Variants in PRKG1 observed in about 807,000 individuals in gnomAD.
PRKG1 encodes the protein protein kinase cGMP-dependent 1, also known as cGMP-dependent protein kinase 1.
Under a neutral mutation model 88.1 loss-of-function variants are expected in PRKG1, and 35 were observed. The ratio of observed to expected loss-of-function variants is 0.40; its 90% CI spans 0.30 to 0.53. The LOEUF is 0.53. PRKG1 is among the 20% of genes least tolerant of loss of function. The pLI is 0.59. For synonymous variants in PRKG1, 303 were observed against 292.5 expected, an observed-to-expected ratio of 1.04 and a Z score of -0.37; for missense variants, 540 against 839.8, an observed-to-expected ratio of 0.64 and a Z score of 4.41.
intron 3 of PRKG1, among the ~76,000 whole-genome samples, chr10:51,620,744 T>C (rs868727243): frequency 6.6e-6 from 1 of 151,986 alleles, no homozygotes; most frequent in Non-Finnish European, 1.5e-5. Context: ...ATGAGTTAGG[T>C]ACTATCATTA....
At chr10:51,363,999 A>G (rs1477103934) in intron 2 of PRKG1, among the ~76,000 whole-genome samples, 1 of 152,008 alleles carries the variant, frequency 6.6e-6, no homozygotes, top group Non-Finnish European at 1.5e-5. Flanking sequence ...AAAAAGGTGC[A>G]TTTGATTTGA....
chr10:52,091,461 G>T (rs1847054737), intron 7 of PRKG1, among the ~76,000 whole-genome samples: 1 of 152,136 alleles, frequency 6.6e-6, no homozygotes, highest in Admixed American at 6.6e-5. Context: ...AGAATCCAGG[G>T]AAATATATCT....
At chr10:52,102,527 A>G (rs1288870430) in intron 7 of PRKG1, among the ~76,000 whole-genome samples, 1 of 150,816 alleles carries the variant, frequency 6.6e-6, no homozygotes, top group Non-Finnish European at 1.5e-5. Flanking sequence ...GATGTTGTGC[A>G]TGAATTCATA....
chr10:51,061,932 G>C (rs1843696623), intron 1 of PRKG1, among the ~76,000 whole-genome samples: 1 of 152,128 alleles, frequency 6.6e-6, no homozygotes, highest in Admixed American at 6.5e-5. Flanking sequence ...AATCTCCCAT[G>C]GGTCTCCTTC....
rs558683043 is a variant in PRKG1 at position 51,222,880 on chromosome 10, A to AGGTATACATATGTATACATTCTACT, written c.478+69551_478+69575dup. Among the ~76,000 whole-genome samples the AGGTATACATATGTATACATTCTACT allele has an allele frequency of 3.4e-4, 52 of 152,260 alleles. No homozygotes were observed. The South Asian group carries it at 0.011, about 31-fold the overall frequency. On this transcript the variant is annotated intron_variant, in intron 2 of 17. Transcript: ENST00000373980. Reference sequence around the variant, plus strand: ...GATAAACAAAAAATGTATATATGTAAGGTATACATATGTATACATTCTACT... The same window carrying AGGTATACATATGTATACATTCTACT: ...GATAAACAAAAAATGTATATATGTAAGGTATACATATGTATACATTCTACTGGTATACATATGTATACATTCTACT...
At chr10:51,549,761 T>G (rs2132126146) in intron 3 of PRKG1, among the ~76,000 whole-genome samples, 1 of 152,250 alleles carries the variant, frequency 6.6e-6, no homozygotes, top group East Asian at 1.9e-4. Flanking sequence ...GTGATGAGAC[T>G]AAGGTTTTGC....
chr10:51,164,698 C>T (rs1375579884), intron 2 of PRKG1, among the ~76,000 whole-genome samples: 3 of 151,922 alleles, frequency 2.0e-5, no homozygotes, highest in African/African-American at 7.3e-5. Context: ...CAGAGAAGTG[C>T]TTAAAGGAGC....
chr10:51,222,194 A>G (rs528418212), intron 2 of PRKG1, among the ~76,000 whole-genome samples: 65 of 143,008 alleles, frequency 4.5e-4, no homozygotes, highest in African/African-American at 1.5e-3. Context: ...CCTGTTTCAT[A>G]TTTTTCTATG....
chr10:51,107,743 G>T (rs1844875063), intron 1 of PRKG1, among the ~76,000 whole-genome samples: 1 of 140,728 alleles, frequency 7.1e-6, no homozygotes, highest in Non-Finnish European at 1.5e-5. Context: ...AGGGTATTTT[G>T]AGCCTGGGAA....
Position 52,036,991 on chromosome 10 carries a change from G to T in PRKG1, c.763-17493G>T, listed in dbSNP as rs578143682. Among the ~76,000 whole-genome samples the T allele has an allele frequency of 2.6e-4, 39 of 152,372 alleles. No individual in the cohort carries two copies. The East Asian group carries it at 6.2e-3, about 24-fold the overall frequency. ...TTACCGGAAGCTCGGCGTCTGTGAT[G>T]GTCTAGGGGGCTTCCGAGGCGATCA... On this transcript the variant is annotated intron_variant, in intron 5 of 17. Transcript: ENST00000373980.
chr10:51,916,324 C>T (rs1395986094), intron 5 of PRKG1, among the ~76,000 whole-genome samples: 1 of 152,212 alleles, frequency 6.6e-6, no homozygotes, highest in African/African-American at 2.4e-5. Context: ...TGGTCGTCCT[C>T]ACTGCTATAC....
At chr10:51,405,505 G>A (rs1550720) in intron 2 of PRKG1, among the ~76,000 whole-genome samples, 114,760 of 152,180 alleles carry the variant, frequency 0.75, 43,627 homozygotes, top group Non-Finnish European at 0.79. Flanking sequence ...TCTTTTATAC[G>A]TACAGGCGAT....
intron 9 of PRKG1, among the ~76,000 whole-genome samples, chr10:52,249,904 CAACA>C (rs1048607135): frequency 6.6e-6 from 1 of 152,030 alleles, no homozygotes; most frequent in African/African-American, 2.4e-5. Flanking sequence ...TTTCTAAATC[CAACA>C]AACACGTGGA....
intron 1 of PRKG1, among the ~76,000 whole-genome samples, chr10:51,025,719 C>T (rs1315604403): frequency 6.6e-6 from 1 of 152,130 alleles, no homozygotes; most frequent in African/African-American, 2.4e-5. Flanking sequence ...CTGTTCCAGG[C>T]ATAGCTTTAG....
chr10:51,831,321 A>G lies in PRKG1; in HGVS notation c.698+26631A>G, dbSNP rs186503852. ...GTTCATGGTAGAAAATGTAGAAACT[A>G]CAGGAAAGCATGAAGGCTAAAATAA... is the stretch of plus-strand genomic sequence containing the variant. On this transcript the variant is annotated intron_variant, in intron 4 of 17. Coordinates refer to ENST00000373980, the MANE Select transcript of PRKG1 (RefSeq NM_006258.4). 1.1e-3 allele frequency among the ~76,000 whole-genome samples: 169 copies of G among 152,216 alleles called. 2 individuals carry two copies. The highest frequency in any genetic ancestry group is 4.0e-3 in the African/African-American group (165 of 41,550).
chr10:51,540,994 G>A (rs1842286265), intron 3 of PRKG1, among the ~76,000 whole-genome samples: 1 of 152,172 alleles, frequency 6.6e-6, no homozygotes, highest in Non-Finnish European at 1.5e-5. Context: ...TGGGATTACA[G>A]GCGTGAGCCA....
In PRKG1 at chr10:51,143,445, G is replaced by A. The variant is rs570510112; in HGVS notation, c.312-9719G>A. The stretch of plus-strand genomic sequence containing the variant: ...GCAAATAGTGCTGCAATAAACATGA[G>A]GTGCAGATATGTTTTCAAAATACTA... On this transcript the variant is annotated intron_variant, in intron 1 of 17. Transcript: ENST00000373980. 2.6e-5 allele frequency among the ~76,000 whole-genome samples: 4 copies of A among 152,150 alleles called. No homozygotes were observed. In the East Asian group the frequency reaches 7.7e-4, roughly 29 times the overall value.
At chr10:51,575,978 A>G (rs992988622) in intron 3 of PRKG1, among the ~76,000 whole-genome samples, 3 of 152,012 alleles carry the variant, frequency 2.0e-5, no homozygotes, top group African/African-American at 7.2e-5. Context: ...AAATAATACA[A>G]TAAAGAAAAA....
At chr10:52,074,023 C>T (rs893857888) in intron 7 of PRKG1, among the ~76,000 whole-genome samples, 1 of 144,010 alleles carries the variant, frequency 6.9e-6, no homozygotes, top group Non-Finnish European at 1.6e-5. Flanking sequence ...GTTAGTTGTA[C>T]AAAAAAATTA....
Sources: gnomAD v4.1 joint callset for allele counts (sites outside exome capture counted in the v4.1 genomes callset) on GRCh38, gnomAD v4.1.1 for gene constraint, MANE v1.5 for transcripts, NCBI Gene and HGNC (gene_info 2026-07-23, HGNC 2026-07-21) for gene names.